The following XIRP2 variants were observed in gnomAD, a reference collection of about 807,000 sequenced individuals.
XIRP2 encodes the protein xin actin-binding repeat-containing protein 2.
Under a neutral mutation model 277.0 loss-of-function variants are expected in XIRP2, and 236 were observed. The observed-to-expected ratio is 0.85, with a 90% CI of 0.77 to 0.95. The LOEUF is 0.95. XIRP2 is among the 40% of genes least tolerant of loss of function. The pLI is 0.00. For synonymous variants in XIRP2, 1,490 were observed against 1,416.5 expected (o/e 1.05, Z -1.17); for missense variants, 4,640 against 4,157.5 (o/e 1.12, Z -3.19).
intron 5 of XIRP2, among the ~76,000 whole-genome samples, chr2:167,221,460 C>CAAAAAAA (rs57006710): frequency 1.3e-4 from 8 of 63,446 alleles, no homozygotes; most frequent in South Asian, 5.9e-4. Flanking sequence ...AACTCCATCT[C>CAAAAAAA]AAAAAAAAAA....
intron 5 of XIRP2, among the ~76,000 whole-genome samples, chr2:167,229,778 T>C (rs1329573208): frequency 1.3e-5 from 2 of 152,098 alleles, no homozygotes; most frequent in East Asian, 3.9e-4. Context: ...TAAGAGACAT[T>C]AAGAAGTTCT....
At chr2:167,157,767 A>G (rs1387937093) in intron 3 of XIRP2, among the ~76,000 whole-genome samples, 2 of 152,180 alleles carry the variant, frequency 1.3e-5, no homozygotes, top group African/African-American at 4.8e-5. Context: ...TATGATTGTG[A>G]AAAATGTTGC....
intron 2 of XIRP2, among the ~76,000 whole-genome samples, chr2:166,908,792 T>C (rs934238324): frequency 1.3e-5 from 2 of 152,200 alleles, no homozygotes; most frequent in Non-Finnish European, 2.9e-5. Context: ...TAATTTTTCA[T>C]ATAAGGTGTA....
rs79636796 is a variant in XIRP2, at chr2:167,019,984, G to A, written c.409-115925G>A. Among the ~76,000 whole-genome samples the A allele has an allele frequency of 1.4e-3, 215 of 152,076 alleles. 3 individuals are homozygous for A. In the East Asian group the frequency reaches 0.038, roughly 27 times the overall value. On this transcript the variant is annotated intron_variant, in intron 2 of 10. Coordinates refer to ENST00000409195, the MANE Select transcript of XIRP2 (RefSeq NM_152381.6). ...CTGATTTCCAGCAAGGTTATAGTAT[G>A]GCTCACAAATGCACTATTCGCTTTT...
rs1694006712 is a variant in XIRP2, at chr2:167,210,859, TGTTTCCAGGG to T, written c.690_699del (p.Ser231ThrfsTer9). The T allele has an allele frequency of 9.9e-6, 16 of 1,614,026 alleles. No homozygotes were observed. Among genetic ancestry groups the T allele is most frequent in the African/African-American group, 1.3e-5 (1 of 74,924 alleles). Reference sequence around the variant, plus strand: ...AGCGGATGGCGAGGTACCAGGCAGCTGTTTCCAGGGGTGACTGCCGCAGCTTCTCTGCTAA... The same window carrying T: ...AGCGGATGGCGAGGTACCAGGCAGCTGTGACTGCCGCAGCTTCTCTGCTAA... On this transcript the variant is annotated frameshift_variant, in exon 4 of 11. Transcript: ENST00000409195. LOFTEE classifies it high-confidence loss of function.
intron 2 of XIRP2, among the ~76,000 whole-genome samples, chr2:166,939,252 G>C (rs1393971832): frequency 1.3e-5 from 2 of 152,098 alleles, no homozygotes; most frequent in Non-Finnish European, 2.9e-5. Context: ...TCCATGTTTA[G>C]TGCTTCCTTC....
At chr2:167,181,877 G>A (rs1429222413) in intron 3 of XIRP2, among the ~76,000 whole-genome samples, 3 of 152,158 alleles carry the variant, frequency 2.0e-5, no homozygotes, top group Non-Finnish European at 4.4e-5. Context: ...CATTGGTCAG[G>A]TGTTTATGCA....
chr2:167,217,641 A>G (rs999417932), intron 4 of XIRP2, among the ~76,000 whole-genome samples: 1 of 152,216 alleles, frequency 6.6e-6, no homozygotes, highest in African/African-American at 2.4e-5. Flanking sequence ...ACAAAATCAC[A>G]TAAGTAGTCT....
At position 167,239,873 on chromosome 2, in the gene XIRP2, C is replaced by G. The variant is rs747881621; in HGVS notation, c.877C>G (p.Gln293Glu). 6.8e-6 allele frequency: 11 copies of G among 1,608,562 alleles called. No homozygotes were observed. The African/African-American group carries it at 1.5e-4, about 22-fold the overall frequency. ...RSEQEAIHSS[Q>E]VGTSRSSQEM... ...CTTTCAGGAGGCAATTCATAGCAGC[C>G]AGGTTGGCACTTCAAGAAGCAGCCA... The change falls in exon 6 of 11, where the codon CAG becomes GAG. Residue 293 changes from glutamine to glutamate, a missense_variant. Physicochemically the swap from Gln to Glu is conservative, Grantham distance 29. Transcript: ENST00000409195.
chr2:167,103,566 A>G (rs1004726119), intron 2 of XIRP2, among the ~76,000 whole-genome samples: 6 of 152,132 alleles, frequency 3.9e-5, no homozygotes, highest in African/African-American at 1.2e-4. Flanking sequence ...CAGCAAACAG[A>G]CTTAACCAAT....
chr2:167,023,898 T>A (rs544090259), intron 2 of XIRP2, among the ~76,000 whole-genome samples: 1 of 152,082 alleles, frequency 6.6e-6, no homozygotes, highest in African/African-American at 2.4e-5. Context: ...GTGATGCCTC[T>A]GGCTGTGTTC....
chr2:167,034,506 G>GAA lies in XIRP2; in HGVS notation c.409-101393_409-101392dup, dbSNP rs202015976. Among the ~76,000 whole-genome samples the GAA allele has an allele frequency of 7.4e-3, 1,010 of 136,816 alleles. 10 individuals carry two copies. Among genetic ancestry groups the GAA allele is most frequent in the African/African-American group, 0.025 (955 of 37,684 alleles). The allele number at this position is 136,816 out of a possible 152,430, so 89.8% of individuals were successfully genotyped here. ...TACAGAGTGGCTGAACAGAAAAAAAGAAAAAAAAAAAGACCCAGTGATTTG... is the reference window on the plus strand; with the variant it reads ...TACAGAGTGGCTGAACAGAAAAAAAGAAAAAAAAAAAAAGACCCAGTGATTTG... On this transcript the variant is annotated intron_variant, in intron 2 of 10. Transcript: ENST00000409195.
intron 5 of XIRP2, among the ~76,000 whole-genome samples, chr2:167,236,648 C>G (rs977620921): frequency 6.6e-6 from 1 of 151,986 alleles, no homozygotes; most frequent in African/African-American, 2.4e-5. Context: ...TTATAACATA[C>G]CTAGTAAAGG....
At chr2:167,157,290 CATTT>C (rs138492108) in intron 3 of XIRP2, among the ~76,000 whole-genome samples, 15,024 of 152,104 alleles carry the variant, frequency 0.099, 794 homozygotes, top group South Asian at 0.16. Context: ...TTCAAGCATT[CATTT>C]ATTTATTTAC....
At chr2:166,981,148 C>T (rs1430092727) in intron 2 of XIRP2, among the ~76,000 whole-genome samples, 2 of 152,070 alleles carry the variant, frequency 1.3e-5, no homozygotes, top group African/African-American at 4.8e-5. Flanking sequence ...TTTATTGGGG[C>T]TTCCATAACA....
chr2:166,971,578 G>A (rs1486816332), intron 2 of XIRP2, among the ~76,000 whole-genome samples: 1 of 151,884 alleles, frequency 6.6e-6, no homozygotes, highest in Non-Finnish European at 1.5e-5. Context: ...TATTTGCTAG[G>A]TATAATTAGT....
At chr2:166,923,522 A>G (rs1194815647) in intron 2 of XIRP2, among the ~76,000 whole-genome samples, 1 of 152,128 alleles carries the variant, frequency 6.6e-6, no homozygotes, top group Non-Finnish European at 1.5e-5. Context: ...ATTAAAAACA[A>G]GAGACTATCC....
At position 167,242,873 on chromosome 2, in the gene XIRP2, A is replaced by G; in HGVS notation, c.1481A>G (p.Asn494Ser). The change falls in exon 9 of 11, where the codon AAT becomes AGT. Residue 494 changes from asparagine to serine, a missense_variant. Physicochemically the swap from Asn to Ser is conservative, Grantham distance 46 (BLOSUM62 1). Coordinates refer to ENST00000409195, the MANE Select transcript of XIRP2 (RefSeq NM_152381.6). Reference protein sequence around the residue: ...VPKDVYSKQRNLYELNRLYKH... With the variant: ...VPKDVYSKQRSLYELNRLYKH... ...AAAGATGTATATTCCAAGCAAAGAA[A>G]TTTGTATGAATTAAACCGTTTATAT... The G allele has an allele frequency of 1.9e-6, 3 of 1,614,122 alleles. No homozygotes were observed. Among genetic ancestry groups the G allele is most frequent in the East Asian group, 2.2e-5 (1 of 44,872 alleles).
intron 3 of XIRP2, among the ~76,000 whole-genome samples, chr2:167,165,194 T>G (rs551309804): frequency 1.3e-5 from 2 of 152,218 alleles, no homozygotes; most frequent in Non-Finnish European, 2.9e-5. Context: ...TTCTTCTACA[T>G]TGAATAATAT....
Sources: allele counts gnomAD v4.1 joint callset (sites outside exome capture counted in the v4.1 genomes callset), GRCh38; gene constraint gnomAD v4.1.1; transcripts MANE v1.5; gene names NCBI Gene and HGNC (gene_info 2026-07-23, HGNC 2026-07-21).